Variants in KIF1B observed in about 807,000 individuals in gnomAD.
The protein encoded by KIF1B is kinesin-like protein KIF1B.
Under a neutral mutation model 241.9 loss-of-function variants are expected in KIF1B, and 76 were observed. The observed-to-expected ratio is 0.31, with a 90% CI of 0.26 to 0.38. The LOEUF is 0.38. KIF1B is among the 10% of genes least tolerant of loss of function. KIF1B has a pLI of 1.00. For synonymous variants in KIF1B, 750 were observed against 796.7 expected, an observed-to-expected ratio of 0.94 and a Z score of 0.99; for missense variants, 1,622 against 2,271.4, an observed-to-expected ratio of 0.71 and a Z score of 5.81.
At position 10,273,009 on chromosome 1, in the gene KIF1B, T is replaced by A. The variant is rs1648885726; in HGVS notation, c.865-5T>A. 1.3e-6 allele frequency: 2 copies of A among 1,546,114 alleles called. No homozygotes were observed. The highest frequency in any genetic ancestry group is 1.4e-5 in the African/African-American group (1 of 72,956). ...ATTTTCTCCTTTAAATGCTTTCACCTGTAGGATAACTGCACTAGCAAGGTA... is the reference window on the plus strand; with the variant it reads ...ATTTTCTCCTTTAAATGCTTTCACCAGTAGGATAACTGCACTAGCAAGGTA... On this transcript the variant is annotated splice_region_variant and splice_polypyrimidine_tract_variant and intron_variant, in intron 9 of 48. Coordinates refer to ENST00000676179, the MANE Select transcript of KIF1B (RefSeq NM_001365951.3).
At position 10,316,108 on chromosome 1, in the gene KIF1B, T is replaced by C. The variant is rs1323269851; in HGVS notation, c.2116-3935T>C. 2.8e-5 allele frequency among the ~76,000 whole-genome samples: 4 copies of C among 144,550 alleles called. 1 individual carries two copies. Among genetic ancestry groups the C allele is most frequent in the African/African-American group, 1.1e-4 (4 of 37,972 alleles). The allele number at this position is 144,550 out of a possible 152,430, so 94.8% of individuals were successfully genotyped here. A position where few individuals can be genotyped will look rare whatever the true frequency, so the allele number is the denominator to read the frequency against. On this transcript the variant is annotated intron_variant, in intron 22 of 48. Coordinates refer to ENST00000676179, the MANE Select transcript of KIF1B (RefSeq NM_001365951.3). The stretch of plus-strand genomic sequence containing the variant: ...AGGGGCCAGGCACGTTGGCTCACTC[T>C]TGTAGTCCCAGCTACTTGGGAGGCT...
chr1:10,275,853 C>A (rs1649071949), intron 11 of KIF1B, among the ~76,000 whole-genome samples: 1 of 152,106 alleles, frequency 6.6e-6, no homozygotes, highest in African/African-American at 2.4e-5. Flanking sequence ...CCTTAATCCT[C>A]CTCGTTGCTG....
At chr1:10,363,705 G>GA (rs199799535) in intron 41 of KIF1B, among the ~76,000 whole-genome samples, 8 of 150,906 alleles carry the variant, frequency 5.3e-5, no homozygotes, top group African/African-American at 1.5e-4. Context: ...AAAAGAAAAA[G>GA]AAAAAAAAAT....
At position 10,361,748 on chromosome 1, in the gene KIF1B, C is replaced by T. The variant is rs763998524; in HGVS notation, c.4227C>T (p.Tyr1409=). Residue 1409 remains tyrosine, a synonymous_variant, in exon 40 of 49, where the codon TAC becomes TAT. Coordinates refer to ENST00000676179, the MANE Select transcript of KIF1B (RefSeq NM_001365951.3). The part of the protein sequence containing the change: ...VITKDVCMVF[Y]SRDAKISPPR... ...CCAAGGATGTGTGCATGGTCTTCTA[C>T]TCCCGAGATGCCAAGATCTCACCAC... 1.4e-5 allele frequency: 22 copies of T among 1,614,018 alleles called. No individual in the cohort carries two copies. Among genetic ancestry groups the T allele is most frequent in the Non-Finnish European group, 1.9e-5 (22 of 1,180,026 alleles).
At chr1:10,220,756 A>T (rs1410805998) in intron 1 of KIF1B, among the ~76,000 whole-genome samples, 1 of 152,078 alleles carries the variant, frequency 6.6e-6, no homozygotes, top group Non-Finnish European at 1.5e-5. Context: ...TCCGCCTCCC[A>T]GGTTCAAGCT....
intron 33 of KIF1B, among the ~76,000 whole-genome samples, 175 bp from the exon 34 acceptor site, chr1:10,343,057 A>G (rs748313677): frequency 2.0e-5 from 3 of 152,234 alleles, no homozygotes; most frequent in Non-Finnish European, 2.9e-5. Context: ...TTCAGAAGCT[A>G]TACATAAAAT....
chr1:10,351,877 G>A (rs1473175039), intron 37 of KIF1B, among the ~76,000 whole-genome samples: 1 of 152,138 alleles, frequency 6.6e-6, no homozygotes, highest in African/African-American at 2.4e-5. Context: ...GGTGGCTTAG[G>A]TGGGAGGATC....
chr1:10,308,356 T>C (rs1326928152), intron 22 of KIF1B: 5 of 1,052,224 alleles, frequency 4.8e-6, no homozygotes, highest in Non-Finnish European at 4.6e-6. Flanking sequence ...TAGATATTCT[T>C]AGCTTGAACC....
At chr1:10,248,827 A>G (rs1368713735) in intron 2 of KIF1B, among the ~76,000 whole-genome samples, 3 of 152,124 alleles carry the variant, frequency 2.0e-5, no homozygotes, top group African/African-American at 7.2e-5. Context: ...AAAGCCAAAG[A>G]TGGCTCCCAG....
chr1:10,340,463 GA>G (rs1209026661), intron 32 of KIF1B, among the ~76,000 whole-genome samples: 7 of 152,178 alleles, frequency 4.6e-5, no homozygotes, highest in African/African-American at 1.2e-4. Context: ...ACTGTTCTGA[GA>G]GTTTTTGTGT....
chr1:10,242,714 A>G (rs1323435892), intron 2 of KIF1B, among the ~76,000 whole-genome samples: 1 of 152,042 alleles, frequency 6.6e-6, no homozygotes, highest in East Asian at 1.9e-4. Flanking sequence ...ACAGGGTTTC[A>G]CCATGTTGGC....
At chr1:10,253,309 A>G (rs1274759789) in intron 2 of KIF1B, among the ~76,000 whole-genome samples, 1 of 152,126 alleles carries the variant, frequency 6.6e-6, no homozygotes, top group Admixed American at 6.6e-5. Flanking sequence ...AAATGGGGGT[A>G]ATGAAACATC....
chr1:10,308,272 G>C (rs1433371185), intron 22 of KIF1B: 1 of 1,060,352 alleles, frequency 9.4e-7, no homozygotes, highest in East Asian at 5.1e-5. Context: ...TGTACTGTTA[G>C]AGCCAAAATT....
At chr1:10,276,463 C>CCA in intron 12 of KIF1B, 64 bp downstream of exon 12, 1 of 1,099,464 alleles carries the variant, frequency 9.1e-7, no homozygotes, top group Non-Finnish European at 1.4e-6. Flanking sequence ...TTTTGTGATA[C>CCA]CATGGATGTT....
intron 48 of KIF1B, among the ~76,000 whole-genome samples, 157 bp downstream of exon 48, chr1:10,375,530 C>T (rs922749177): frequency 4.6e-5 from 7 of 152,168 alleles, no homozygotes; most frequent in Middle Eastern, 3.4e-3. Flanking sequence ...ACTACAGGCA[C>T]GTGCCACCAT....
chr1:10,264,089 T>C (rs553625710), intron 5 of KIF1B, among the ~76,000 whole-genome samples: 35 of 152,336 alleles, frequency 2.3e-4, no homozygotes, highest in Non-Finnish European at 4.4e-4. Context: ...TTATTTAATA[T>C]TGTATCTTGC....
At chr1:10,268,289 TGAG>T in intron 7 of KIF1B, 26 bp downstream of exon 7, 1 of 1,446,924 alleles carries the variant, frequency 6.9e-7, no homozygotes, top group Non-Finnish European at 9.7e-7. Context: ...TCTCTAGGCT[TGAG>T]TTGTGAAGGA....
At chr1:10,263,351 A>AC (rs112856444) in intron 5 of KIF1B, among the ~76,000 whole-genome samples, 4,723 of 151,110 alleles carry the variant, frequency 0.031, 272 homozygotes, top group African/African-American at 0.11. Context: ...TCTCACCGCC[A>AC]CCCCCCCACC....
intron 1 of KIF1B, among the ~76,000 whole-genome samples, chr1:10,220,632 TG>T (rs2102100785): frequency 6.6e-6 from 1 of 152,210 alleles, no homozygotes; most frequent in South Asian, 2.1e-4. Flanking sequence ...CACTCCAACC[TG>T]GGCGGTGAAA....
Sources: allele counts gnomAD v4.1 joint callset (sites outside exome capture counted in the v4.1 genomes callset), GRCh38; gene constraint gnomAD v4.1.1; transcripts MANE v1.5; gene names NCBI Gene and HGNC (gene_info 2026-07-23, HGNC 2026-07-21).